STK3: variants seen among roughly 807,000 people sequenced by gnomAD.
STK3 encodes the protein serine/threonine kinase 3.
In STK3, 41 loss-of-function variants were observed where a neutral mutation model predicts 58.0. The observed-to-expected ratio is 0.71, with a 90% CI of 0.55 to 0.92. The LOEUF (loss-of-function observed/expected upper bound fraction) is 0.92. Among genes scored for constraint, STK3 ranks in the 40% least tolerant of loss-of-function variants. The pLI is 0.00. For synonymous variants in STK3, 170 were observed against 191.0 expected, an observed-to-expected ratio of 0.89 and a Z score of 0.91; for missense variants, 479 against 602.7, an observed-to-expected ratio of 0.79 and a Z score of 2.15.
chr8:98,768,531 C>T (rs942422492), intron 2 of STK3, among the ~76,000 whole-genome samples: 2 of 152,190 alleles, frequency 1.3e-5, no homozygotes, highest in African/African-American at 2.4e-5. Context: ...CCCAAAGTCA[C>T]ATTGGGCTGG....
chr8:98,575,202 G>C (rs941273061), intron 8 of STK3, among the ~76,000 whole-genome samples: 1 of 152,114 alleles, frequency 6.6e-6, no homozygotes, highest in Non-Finnish European at 1.5e-5. Context: ...TTTTGCATGG[G>C]CAAGGAATGT....
intron 3 of STK3, among the ~76,000 whole-genome samples, chr8:98,874,731 A>G (rs2131883972): frequency 6.6e-6 from 1 of 151,956 alleles, no homozygotes; most frequent in South Asian, 2.1e-4. Context: ...GTCTCAAGCA[A>G]TCCTCTCACC....
In STK3 at chr8:98,423,342, G is replaced by A. The variant is rs371967795; in HGVS notation, n.483+10785C>T. ...CAAGAAGGGGCCTGCCCCGTGAACC[G>A]CCATGCCAAGCAGGGAGTGTGGTAG... On this transcript the variant is annotated intron_variant and non_coding_transcript_variant, in intron 3 of 3. Transcript: ENST00000517832. 1.5e-4 allele frequency among the ~76,000 whole-genome samples: 23 copies of A among 152,364 alleles called. No homozygotes were observed. In the East Asian group the frequency reaches 3.1e-3, roughly 20 times the overall value.
At chr8:98,558,064 C>T (rs1400798871) in intron 8 of STK3, among the ~76,000 whole-genome samples, 1 of 152,064 alleles carries the variant, frequency 6.6e-6, no homozygotes, top group East Asian at 1.9e-4. Flanking sequence ...AAAGTAAAAG[C>T]AACCTTAACC....
rs578012304 is a variant in STK3 at position 98,632,504 on chromosome 8, A to G, written c.685-36335T>C. ...GCAATTCACTGGAGAGAAAGACTGC[A>G]TTACAATCTAGGTTCACATTAAAGT... is the stretch of plus-strand genomic sequence containing the variant. On this transcript the variant is annotated intron_variant, in intron 6 of 10. Transcript: ENST00000419617. 1.5e-3 allele frequency among the ~76,000 whole-genome samples: 235 copies of G among 152,348 alleles called. 2 individuals carry two copies. The highest frequency in any genetic ancestry group is 3.6e-3 in the Admixed American group (55 of 15,304).
rs187276937 is a variant in STK3, at chr8:98,929,432, G to A, written c.-79+12946C>T. Among the ~76,000 whole-genome samples the A allele has an allele frequency of 2.9e-3, 449 of 152,310 alleles. 3 individuals carry two copies. Among genetic ancestry groups the A allele is most frequent in the Non-Finnish European group, 5.3e-3 (361 of 68,020 alleles). ...CAGCACTTTGGGAGGCCAAGGCAGA[G>A]GATTGCTTGAGCTCAGGAGTTTGAG... On this transcript the variant is annotated intron_variant, in intron 1 of 1. Coordinates refer to the STK3 transcript ENST00000519420.
chr8:98,794,319 T>C (rs761075491), intron 1 of STK3, among the ~76,000 whole-genome samples: 1 of 151,616 alleles, frequency 6.6e-6, no homozygotes, highest in Non-Finnish European at 1.5e-5. Context: ...ATAAGCACAA[T>C]CAAAATGACA....
intron 10 of STK3, among the ~76,000 whole-genome samples, chr8:98,508,056 T>C (rs534948758): frequency 6.6e-6 from 1 of 152,296 alleles, no homozygotes; most frequent in Non-Finnish European, 1.5e-5. Flanking sequence ...TTACAGTATA[T>C]GCTTTGTGAA....
rs979618178 is a variant in STK3 at position 98,680,274 on chromosome 8, A to G, written c.684+26193T>C. On this transcript the variant is annotated intron_variant, in intron 6 of 10. Transcript: ENST00000419617. Reference sequence around the variant, plus strand: ...GAGGCAATCAGAAGAAATACAGTCCATGGTGGCAGTGACAGAGCTAAGCAG... The same window carrying G: ...GAGGCAATCAGAAGAAATACAGTCCGTGGTGGCAGTGACAGAGCTAAGCAG... Among the ~76,000 whole-genome samples, 3 of 152,304 alleles carry G rather than the reference A, an allele frequency of 2.0e-5. No homozygotes were observed. In the East Asian group the frequency reaches 5.8e-4, roughly 29 times the overall value.
chr8:98,772,560 G>C (rs776405280), intron 2 of STK3, among the ~76,000 whole-genome samples: 1 of 152,026 alleles, frequency 6.6e-6, no homozygotes, highest in Non-Finnish European at 1.5e-5. Context: ...TTAGCTGGGC[G>C]TGGTGGCAGG....
chr8:98,558,710 TTTCTC>T (rs1811784863), intron 8 of STK3, among the ~76,000 whole-genome samples: 1 of 152,094 alleles, frequency 6.6e-6, no homozygotes, highest in Non-Finnish European at 1.5e-5. Flanking sequence ...TCTCATTCCT[TTTCTC>T]TTCCATTATG....
At chr8:98,630,351 C>A (rs1007377701) in intron 6 of STK3, among the ~76,000 whole-genome samples, 1 of 152,142 alleles carries the variant, frequency 6.6e-6, no homozygotes, top group Admixed American at 6.5e-5. Flanking sequence ...TATTAAGAAT[C>A]AGTATTAAGG....
At chr8:98,399,077 T>A (rs143412714), downstream of STK3, among the ~76,000 whole-genome samples, 1 of 152,152 alleles carries the variant, frequency 6.6e-6, no homozygotes, top group African/African-American at 2.4e-5. Flanking sequence ...ATAAACTGAA[T>A]ATTCAAAGAG....
intron 6 of STK3, chr8:98,633,658 C>T (rs2130535069): frequency 1.4e-6 from 1 of 709,736 alleles, no homozygotes; most frequent in African/African-American, 1.7e-5. Context: ...GAACTTGATC[C>T]TGTACAGAAA....
intron 4 of STK3, among the ~76,000 whole-genome samples, chr8:98,710,305 G>A (rs990089016): frequency 1.2e-4 from 18 of 152,232 alleles, no homozygotes; most frequent in African/African-American, 3.9e-4. Flanking sequence ...CAAGACAGTG[G>A]GTACAGTGCA....
intron 2 of STK3, among the ~76,000 whole-genome samples, chr8:98,375,255 C>CAAAAAAAACAA (rs1165849010): frequency 8.6e-5 from 4 of 46,446 alleles, no homozygotes; most frequent in South Asian, 7.5e-4. Flanking sequence ...AAGCTGTTTC[C>CAAAAAAAACAA]AAAACAAAAA....
chr8:98,467,388 C>T (rs950781776), intron 10 of STK3, among the ~76,000 whole-genome samples: 11 of 151,970 alleles, frequency 7.2e-5, no homozygotes, highest in Admixed American at 1.3e-4. Flanking sequence ...TCTTAGTAAT[C>T]GCTGGAGGGA....
chr8:98,373,484 A>C (rs1817633586), intron 2 of STK3, among the ~76,000 whole-genome samples: 2 of 152,122 alleles, frequency 1.3e-5, no homozygotes, highest in South Asian at 4.1e-4. Context: ...CTGGGCATTG[A>C]GCTAAATGTT....
chr8:98,634,127 T>A lies in STK3; in HGVS notation c.685-37958A>T, dbSNP rs560887553. Among the ~76,000 whole-genome samples the A allele has an allele frequency of 1.2e-3, 187 of 152,202 alleles. 1 individual carries two copies. The highest frequency in any genetic ancestry group is 4.2e-3 in the African/African-American group (175 of 41,544). On this transcript the variant is annotated intron_variant, in intron 6 of 10. Coordinates refer to ENST00000419617, the MANE Select transcript of STK3 (RefSeq NM_006281.4). ...AACTGGTGAATAATGAAAACTTGAATCAGCACAGTGGCAGTGGAGCTGGAC... is the reference window on the plus strand; with the variant it reads ...AACTGGTGAATAATGAAAACTTGAAACAGCACAGTGGCAGTGGAGCTGGAC...
Sources: allele counts gnomAD v4.1 joint callset (sites outside exome capture counted in the v4.1 genomes callset), GRCh38; gene constraint gnomAD v4.1.1; transcripts MANE v1.5; gene names NCBI Gene and HGNC (gene_info 2026-07-23, HGNC 2026-07-21).